FKBP15: variants seen among roughly 807,000 people sequenced by gnomAD.
The protein encoded by FKBP15 is FK506-binding protein 15.
Under a neutral mutation model 158.1 loss-of-function variants are expected in FKBP15, and 106 were observed. That is an observed-to-expected ratio of 0.67 (90% CI 0.57 to 0.79). The LOEUF is 0.79. Ranked by LOEUF, FKBP15 falls within the 30% of genes least tolerant of loss-of-function variation. The pLI, the probability that FKBP15 is intolerant of heterozygous loss-of-function variation, is 0.00. For synonymous variants in FKBP15, 547 were observed against 548.6 expected, an observed-to-expected ratio of 1.00 and a Z score of 0.04; for missense variants, 1,287 against 1,479.1, an observed-to-expected ratio of 0.87 and a Z score of 2.13.
At chr9:113,168,339 GC>G in intron 27 of FKBP15, 120 bp downstream of exon 27, 1 of 807,518 alleles carries the variant, frequency 1.2e-6, no homozygotes, top group South Asian at 1.7e-5. Flanking sequence ...CTCCCACAGG[GC>G]CCTGCACACA....
intron 4 of FKBP15, 121 bp from the exon 5 acceptor site, chr9:113,203,156 T>G (rs1248355015): frequency 3.1e-6 from 2 of 653,508 alleles, no homozygotes; most frequent in Admixed American, 5.6e-5. Context: ...CATACTAAAC[T>G]CAAAATCTAT....
At chr9:113,178,841 T>G in intron 19 of FKBP15, 40 bp from the exon 20 acceptor site, 1 of 1,550,724 alleles carries the variant, frequency 6.4e-7, no homozygotes, top group Non-Finnish European at 8.7e-7. Flanking sequence ...TAAACATAGG[T>G]GTTCTCCATG....
Position 113,221,215 on chromosome 9 carries a change from G to A in FKBP15, c.29C>T (p.Thr10Ile), listed in dbSNP as rs1353364582. 1.2e-6 allele frequency: 2 copies of A among 1,610,282 alleles called. No individual in the cohort carries two copies. The highest frequency in any genetic ancestry group is 2.7e-5 in the African/African-American group (2 of 74,834). The change falls in exon 1 of 28, where the codon ACC becomes ATC. Residue 10 changes from threonine to isoleucine, a missense_variant. By Grantham distance (89) the Thr-to-Ile change is moderately conservative. Coordinates refer to ENST00000238256, the MANE Select transcript of FKBP15 (RefSeq NM_015258.2). Reference protein sequence around the residue: MFGAGDEDDTDFLSPSGGAR... With the variant: MFGAGDEDDIDFLSPSGGAR... The stretch of plus-strand genomic sequence containing the variant: ...CCCGCCGCTCGGCGAGAGGAAATCG[G>A]TGTCGTCCTCGTCCCCCGCACCGAA...
chr9:113,193,579 T>A (rs767103805), intron 10 of FKBP15, 30 bp from the exon 11 acceptor site: 6 of 1,570,204 alleles, frequency 3.8e-6, no homozygotes, highest in Non-Finnish European at 5.2e-6. Context: ...ATTCCAAGAT[T>A]GAAAACAAAA....
rs1413475520 is a variant in FKBP15 at position 113,162,986 on chromosome 9, C to T, written c.*3092G>A. The T allele has an allele frequency of 1.5e-6, 2 of 1,364,252 alleles. No homozygotes were observed. Among genetic ancestry groups the T allele is most frequent in the Non-Finnish European group, 2.0e-6 (2 of 1,021,216 alleles). 84.5% of individuals were successfully genotyped at this position (1,364,252 alleles called of 1,614,324 possible). A position where few individuals can be genotyped will look rare whatever the true frequency, so the allele number is the denominator to read the frequency against. On this transcript the variant is annotated 3_prime_UTR_variant, in exon 28 of 28. Coordinates refer to ENST00000238256, the MANE Select transcript of FKBP15 (RefSeq NM_015258.2). ...CCCCCTCTTCCAGACACTATACTTC[C>T]AACTGCCCTTTCTTCTGATGGCTAT... is the stretch of plus-strand genomic sequence containing the variant.
intron 5 of FKBP15, 77 bp from the exon 6 acceptor site, chr9:113,202,706 G>C (rs550931588): frequency 1.7e-6 from 2 of 1,184,984 alleles, no homozygotes; most frequent in East Asian, 2.6e-5. Flanking sequence ...AGCTCATAGA[G>C]TAGGGTCTTG....
chr9:113,216,912 T>C (rs1048406451), intron 1 of FKBP15, among the ~76,000 whole-genome samples: 3 of 151,330 alleles, frequency 2.0e-5, no homozygotes, highest in Non-Finnish European at 4.4e-5. Context: ...TTCTTTTTTT[T>C]TTTTTTTTTT....
rs1830458678 is a variant in FKBP15, at chr9:113,184,835, T to C, written c.1499-31A>G. 4 of 1,529,344 alleles carry C rather than the reference T, an allele frequency of 2.6e-6. No individual in the cohort carries two copies. The highest frequency in any genetic ancestry group is 2.7e-6 in the Non-Finnish European group (3 of 1,122,706). The allele number at this position is 1,529,344 out of a possible 1,614,324, so 94.7% of individuals were successfully genotyped here. The stretch of plus-strand genomic sequence containing the variant: ...CAGATACAAGCCAAAAAGAAACTTA[T>C]GAAACTGGAGCAGAGGAAACTGTAT... On this transcript the variant is annotated intron_variant, in intron 15 of 27. Transcript: ENST00000238256. The surrounding 1 kb of genome is among the most constrained non-coding windows in gnomAD (Gnocchi z 4.5).
intron 11 of FKBP15, 144 bp from the exon 12 acceptor site, chr9:113,190,722 A>T: frequency 1.6e-6 from 1 of 641,472 alleles, no homozygotes; most frequent in Non-Finnish European, 2.7e-6. Context: ...AGAAAATGAG[A>T]AAGATTTCTT....
At chr9:113,189,147 C>G (rs1406248333) in intron 12 of FKBP15, among the ~76,000 whole-genome samples, 2 of 152,180 alleles carry the variant, frequency 1.3e-5, no homozygotes, top group African/African-American at 4.8e-5. Context: ...ATCTGCTATG[C>G]TATAGTTCAA....
chr9:113,198,811 A>C lies in FKBP15; in HGVS notation c.717+44T>G. 1 of 1,305,906 alleles carries C rather than the reference A, an allele frequency of 7.7e-7. No individual in the cohort carries two copies. The highest frequency in any genetic ancestry group is 2.4e-5 in the East Asian group (1 of 41,576). The allele number at this position is 1,305,906 out of a possible 1,614,324, so 80.9% of individuals were successfully genotyped here. A position where few individuals can be genotyped will look rare whatever the true frequency, so the allele number is the denominator to read the frequency against. On this transcript the variant is annotated intron_variant, in intron 8 of 27. Transcript: ENST00000238256. The surrounding 1 kb of genome is among the most constrained non-coding windows in gnomAD (Gnocchi z 5.2). ...ACAAAATTTAATCTAAGTTAAACCC[A>C]CTGCAACTGATAAAACCATAAAAAA...
chr9:113,221,106 G>GTA, intron 1 of FKBP15, 85 bp downstream of exon 1: 1 of 1,415,048 alleles, frequency 7.1e-7, no homozygotes, highest in Admixed American at 2.2e-5. Flanking sequence ...GTTGGGAAAA[G>GTA]GCCTGAGAAG....
chr9:113,174,684 T>C, intron 21 of FKBP15, 101 bp from the exon 22 acceptor site: 1 of 1,272,492 alleles, frequency 7.9e-7, no homozygotes, highest in Non-Finnish European at 1.1e-6. Context: ...CCTTACTCCA[T>C]TTCTGAAAAC....
At chr9:113,221,123 AC>A (rs1831245645) in intron 1 of FKBP15, 67 bp downstream of exon 1, 4 of 1,494,322 alleles carry the variant, frequency 2.7e-6, no homozygotes, top group Non-Finnish European at 2.7e-6. Flanking sequence ...GAAGAGATCG[AC>A]CCCCCTCCAA....
intron 6 of FKBP15, among the ~76,000 whole-genome samples, chr9:113,201,657 C>A (rs1830795525): frequency 6.6e-6 from 1 of 152,172 alleles, no homozygotes; most frequent in African/African-American, 2.4e-5. Flanking sequence ...AGAAGAGGGT[C>A]TCACTAAAAC....
intron 25 of FKBP15, among the ~76,000 whole-genome samples, chr9:113,170,272 C>T (rs1206872282): frequency 6.6e-6 from 1 of 152,086 alleles, no homozygotes; most frequent in Non-Finnish European, 1.5e-5. Context: ...ACTACAGGCA[C>T]GTGCCACCAT....
chr9:113,174,334 G>A, intron 22 of FKBP15, 94 bp downstream of exon 22: 1 of 1,339,932 alleles, frequency 7.5e-7, no homozygotes, highest in Non-Finnish European at 1.0e-6. Flanking sequence ...TATGAGAAAT[G>A]TCATCCTAAA....
At chr9:113,216,498 G>C (rs1387919289) in intron 1 of FKBP15, among the ~76,000 whole-genome samples, 1 of 152,164 alleles carries the variant, frequency 6.6e-6, no homozygotes, top group Non-Finnish European at 1.5e-5. Flanking sequence ...AGCAGCGCTG[G>C]CCTAAAAAGA....
At chr9:113,217,290 G>C (rs1831159035) in intron 1 of FKBP15, among the ~76,000 whole-genome samples, 1 of 145,118 alleles carries the variant, frequency 6.9e-6, no homozygotes, top group Non-Finnish European at 1.5e-5. Flanking sequence ...TTGGCTCACT[G>C]CAACCTCTGC....
Sources: gnomAD v4.1 joint callset for allele counts (sites outside exome capture counted in the v4.1 genomes callset) on GRCh38, gnomAD v4.1.1 for gene constraint, Gnocchi (gnomAD v3.1) non-coding constraint, MANE v1.5 for transcripts, NCBI Gene and HGNC (gene_info 2026-07-23, HGNC 2026-07-21) for gene names.